AMOTL1: variants seen among roughly 807,000 people sequenced by gnomAD.
The protein encoded by AMOTL1 is angiomotin like 1.
AMOTL1 carries 45 observed loss-of-function variants against 102.9 expected under a neutral mutation model. The ratio of observed to expected loss-of-function variants is 0.44; its 90% CI spans 0.34 to 0.56. AMOTL1 has a LOEUF of 0.56. Among genes scored for constraint, AMOTL1 ranks in the 20% least tolerant of loss-of-function variants. The pLI, the probability that AMOTL1 is intolerant of heterozygous loss-of-function variation, is 0.01. For synonymous variants in AMOTL1, 481 were observed against 484.7 expected (o/e 0.99, Z 0.10); for missense variants, 1,114 against 1,225.6 (o/e 0.91, Z 1.36).
chr11:94,726,121 G>A (rs1263167537), intron 1 of AMOTL1, among the ~76,000 whole-genome samples: 4 of 152,190 alleles, frequency 2.6e-5, no homozygotes, highest in Non-Finnish European at 5.9e-5. Flanking sequence ...AATAAGTCAA[G>A]GATGGCCAAG....
intron 1 of AMOTL1, among the ~76,000 whole-genome samples, 192 bp downstream of exon 1, chr11:94,768,752 G>A (rs988181385): frequency 1.3e-5 from 2 of 152,030 alleles, no homozygotes; most frequent in African/African-American, 4.8e-5. Context: ...TTGCCTGCGG[G>A]CCGGGCCTCA....
At chr11:94,738,406 T>C (rs9651559) in intron 2 of AMOTL1, among the ~76,000 whole-genome samples, 9,185 of 152,164 alleles carry the variant, frequency 0.06, 635 homozygotes, top group East Asian at 0.17. Context: ...TACAGACATG[T>C]GCCACCACAC....
At chr11:94,757,115 A>G (rs1950735813) in intron 3 of AMOTL1, among the ~76,000 whole-genome samples, 1 of 152,066 alleles carries the variant, frequency 6.6e-6, no homozygotes. Flanking sequence ...TCTGCCCAAA[A>G]CTCAGGAAAT....
At chr11:94,729,484 T>C (rs772634613) in intron 2 of AMOTL1, among the ~76,000 whole-genome samples, 1 of 152,046 alleles carries the variant, frequency 6.6e-6, no homozygotes, top group Non-Finnish European at 1.5e-5. Context: ...AAGCAACCAA[T>C]ATAAACAGAG....
chr11:94,798,661 C>G (rs1468722922), intron 2 of AMOTL1, among the ~76,000 whole-genome samples: 1 of 151,886 alleles, frequency 6.6e-6, no homozygotes, highest in Non-Finnish European at 1.5e-5. Context: ...GAAGAGCACT[C>G]AGGACAGAGC....
intron 1 of AMOTL1, among the ~76,000 whole-genome samples, chr11:94,719,581 T>C (rs1237318037): frequency 6.6e-6 from 1 of 151,704 alleles, no homozygotes; most frequent in East Asian, 1.9e-4. Context: ...TGTGTGTGTG[T>C]GTGTGTGAGA....
chr11:94,749,693 C>A (rs1047052712), intron 3 of AMOTL1, among the ~76,000 whole-genome samples: 3 of 152,188 alleles, frequency 2.0e-5, no homozygotes, highest in African/African-American at 7.2e-5. Context: ...CCTGATAGGA[C>A]GCTGACTGAT....
chr11:94,816,686 GT>G (rs973563032), intron 3 of AMOTL1, among the ~76,000 whole-genome samples: 1 of 152,046 alleles, frequency 6.6e-6, no homozygotes, highest in Admixed American at 6.6e-5. Flanking sequence ...GTGTCATTAA[GT>G]TATAGAGCTT....
Position 94,797,258 on chromosome 11 carries a change from G to A in AMOTL1, c.199+2098G>A, listed in dbSNP as rs76736180. Among the ~76,000 whole-genome samples, 505 of 152,308 alleles carry A rather than the reference G, an allele frequency of 3.3e-3. 6 individuals carry two copies. The highest frequency in any genetic ancestry group is 0.012 in the African/African-American group (483 of 41,550). ...ATATTGAGGCTCAGGGAGGGAAAGC[G>A]ATTTGTTTAAGGTCATGCCAGTAGT... On this transcript the variant is annotated intron_variant, in intron 2 of 12. Coordinates refer to ENST00000433060, the MANE Select transcript of AMOTL1 (RefSeq NM_130847.3).
chr11:94,730,370 T>G (rs1360990318), intron 2 of AMOTL1, among the ~76,000 whole-genome samples: 1 of 152,176 alleles, frequency 6.6e-6, no homozygotes, highest in Non-Finnish European at 1.5e-5. Context: ...CTTGGCCAGT[T>G]CCTACTCATC....
At chr11:94,781,157 C>A (rs959769171) in intron 1 of AMOTL1, among the ~76,000 whole-genome samples, 2 of 151,934 alleles carry the variant, frequency 1.3e-5, no homozygotes, top group African/African-American at 4.8e-5. Context: ...GGCTTATATT[C>A]CCCTTCATAA....
At chr11:94,842,873 G>C (rs377488602) in intron 6 of AMOTL1, among the ~76,000 whole-genome samples, 19 of 152,298 alleles carry the variant, frequency 1.2e-4, no homozygotes, top group Middle Eastern at 3.4e-3. Context: ...CTGCAGAACA[G>C]TTTGGTTTGA....
chr11:94,746,513 G>A (rs990529101), intron 3 of AMOTL1, among the ~76,000 whole-genome samples: 10 of 152,138 alleles, frequency 6.6e-5, no homozygotes, highest in African/African-American at 2.2e-4. Context: ...GAACTATGGG[G>A]CAATCCTCTA....
intron 3 of AMOTL1, among the ~76,000 whole-genome samples, chr11:94,754,019 G>A (rs558912569): frequency 6.6e-6 from 1 of 152,326 alleles, no homozygotes; most frequent in South Asian, 2.1e-4. Flanking sequence ...TTGGGCAAGT[G>A]ATCTAACCCC....
At chr11:94,785,001 A>G (rs1210078990) in intron 1 of AMOTL1, among the ~76,000 whole-genome samples, 2 of 152,006 alleles carry the variant, frequency 1.3e-5, no homozygotes, top group Admixed American at 6.6e-5. Flanking sequence ...AGAAAATAAT[A>G]TGCAGCCAGA....
chr11:94,829,398 T>G (rs1170610126), intron 4 of AMOTL1, among the ~76,000 whole-genome samples: 1 of 152,022 alleles, frequency 6.6e-6, no homozygotes, highest in African/African-American at 2.4e-5. Flanking sequence ...AATATTTGTA[T>G]TTTTAGTAGA....
At chr11:94,813,664 G>C (rs554431508) in intron 3 of AMOTL1, among the ~76,000 whole-genome samples, 1 of 152,110 alleles carries the variant, frequency 6.6e-6, no homozygotes, top group East Asian at 1.9e-4. Flanking sequence ...ACTGAAGTGC[G>C]TGTGAATATA....
At chr11:94,757,535 T>C (rs1950741115) in intron 3 of AMOTL1, among the ~76,000 whole-genome samples, 1 of 151,906 alleles carries the variant, frequency 6.6e-6, no homozygotes, top group African/African-American at 2.4e-5. Flanking sequence ...GCCTGTAACA[T>C]GCTGAGAATA....
At chr11:94,770,194 G>T (rs1950926165) in intron 1 of AMOTL1, among the ~76,000 whole-genome samples, 1 of 152,182 alleles carries the variant, frequency 6.6e-6, no homozygotes, top group African/African-American at 2.4e-5. Context: ...TCTCTAGATT[G>T]CAAGGTCTTA....
Sources: gnomAD v4.1 joint callset for allele counts (sites outside exome capture counted in the v4.1 genomes callset) on GRCh38, gnomAD v4.1.1 for gene constraint, MANE v1.5 for transcripts, NCBI Gene and HGNC (gene_info 2026-07-23, HGNC 2026-07-21) for gene names.